ZFYVE9: variants seen among roughly 807,000 people sequenced by gnomAD.
ZFYVE9 encodes the protein zinc finger FYVE domain-containing protein 9.
ZFYVE9 carries 43 observed loss-of-function variants against 126.7 expected under a neutral mutation model. The ratio of observed to expected loss-of-function variants is 0.34; its 90% CI spans 0.27 to 0.44. The LOEUF (loss-of-function observed/expected upper bound fraction) is 0.44, where lower values mean the gene tolerates loss of function less well. Among genes scored for constraint, ZFYVE9 ranks in the 20% least tolerant of loss-of-function variants. ZFYVE9 has a pLI of 1.00. For missense variants in ZFYVE9, 1,476 were observed against 1,697.0 expected (o/e 0.87, Z 2.29); for synonymous variants, 521 against 597.4 (o/e 0.87, Z 1.87).
At chr1:52,180,408 G>A in intron 1 of ZFYVE9, 1 of 1,495,614 alleles carries the variant, frequency 6.7e-7, no homozygotes. Flanking sequence ...CCTGACAAGA[G>A]ATGAGTTGCA....
At chr1:52,340,075 G>A (rs371448546) in intron 16 of ZFYVE9, 51 bp from the exon 17 acceptor site, 8 of 1,486,932 alleles carry the variant, frequency 5.4e-6, no homozygotes, top group Non-Finnish European at 7.5e-6. Flanking sequence ...AGGAAAAATG[G>A]CTTTTCTAAC....
At chr1:52,148,405 T>A (rs1223287451) in intron 1 of ZFYVE9, among the ~76,000 whole-genome samples, 1 of 151,772 alleles carries the variant, frequency 6.6e-6, no homozygotes, top group Non-Finnish European at 1.5e-5. Context: ...GGAGAATTGC[T>A]TGAACCAGGG....
At chr1:52,269,904 C>T (rs995009124) in intron 7 of ZFYVE9, among the ~76,000 whole-genome samples, 7 of 152,058 alleles carry the variant, frequency 4.6e-5, no homozygotes, top group African/African-American at 1.7e-4. Context: ...CCTTCTGCCA[C>T]AGCCTCCCAA....
At chr1:52,156,883 A>G (rs1644407679) in intron 1 of ZFYVE9, among the ~76,000 whole-genome samples, 1 of 148,008 alleles carries the variant, frequency 6.8e-6, no homozygotes, top group Non-Finnish European at 1.5e-5. Context: ...CCCAGGCTGG[A>G]GTGCAGTGGC....
intron 13 of ZFYVE9, among the ~76,000 whole-genome samples, chr1:52,315,945 C>T (rs1486223556): frequency 6.6e-6 from 1 of 151,992 alleles, no homozygotes; most frequent in Non-Finnish European, 1.5e-5. Context: ...GCAGGCAGAT[C>T]ACTTGAGGTC....
chr1:52,180,268 A>G (rs758994687), intron 1 of ZFYVE9: 7 of 1,601,024 alleles, frequency 4.4e-6, no homozygotes, highest in African/African-American at 2.7e-5. Context: ...CCTGATGTCA[A>G]ATTTATCAAA....
intron 1 of ZFYVE9, among the ~76,000 whole-genome samples, chr1:52,200,940 C>T (rs1644917462): frequency 6.6e-6 from 1 of 152,162 alleles, no homozygotes; most frequent in South Asian, 2.1e-4. Flanking sequence ...CTTTGTTCTT[C>T]TCTGTCAATA....
At chr1:52,176,887 C>T (rs1644637254) in intron 1 of ZFYVE9, among the ~76,000 whole-genome samples, 1 of 152,146 alleles carries the variant, frequency 6.6e-6, no homozygotes, top group Non-Finnish European at 1.5e-5. Flanking sequence ...TTTCCAGGTG[C>T]CGTCTGTCAC....
Position 52,142,613 on chromosome 1 carries a change from C to T in ZFYVE9, c.-143+210C>T, listed in dbSNP as rs950194554. Among the ~76,000 whole-genome samples, 3 of 152,272 alleles carry T rather than the reference C, an allele frequency of 2.0e-5. No individual in the cohort carries two copies. Among genetic ancestry groups the T allele is most frequent in the Admixed American group, 6.5e-5 (1 of 15,310 alleles). ...GATTAGGCCCCGCGCCGTTGGGAAG[C>T]CCTCGCTCCGGCCTCGGTTCCGGCG... On this transcript the variant is annotated intron_variant, in intron 1 of 18. Transcript: ENST00000287727. This position sits in a 1 kb window ranked among gnomAD's most constrained non-coding sequence, Gnocchi z 4.5.
chr1:52,186,864 G>A lies in ZFYVE9; in HGVS notation c.-142-29505G>A, dbSNP rs1039150957. Among the ~76,000 whole-genome samples, 4 of 152,058 alleles carry A rather than the reference G, an allele frequency of 2.6e-5. No individual in the cohort carries two copies. In the South Asian group the frequency reaches 8.3e-4, roughly 32 times the overall value. On this transcript the variant is annotated intron_variant, in intron 1 of 18. Coordinates refer to ENST00000287727, the MANE Select transcript of ZFYVE9 (RefSeq NM_004799.4). ...AACATTCCATGATTATGGATAGGAA[G>A]AATCAATATCATTAAAATGGCCATA...
chr1:52,238,818 C>T lies in ZFYVE9; in HGVS notation c.1401C>T (p.Asp467=). Reference sequence around the variant, plus strand: ...AATGTGATTTCTCCACTGTTATAGACACACCAGCAGCAAATTATCTATCTA... The same window carrying T: ...AATGTGATTTCTCCACTGTTATAGATACACCAGCAGCAAATTATCTATCTA... ...SEECDFSTVI[D]TPAANYLSNG... is the part of the protein sequence containing the mutation. Residue 467 remains aspartate (D), a synonymous_variant, in exon 4 of 19, where the codon GAC becomes GAT. Coordinates refer to ENST00000287727, the MANE Select transcript of ZFYVE9 (RefSeq NM_004799.4). The T allele has an allele frequency of 2.5e-6, 4 of 1,614,100 alleles. No individual in the cohort carries two copies. The highest frequency in any genetic ancestry group is 3.4e-6 in the Non-Finnish European group (4 of 1,179,976).
At chr1:52,280,261 T>TC (rs1645788953) in intron 9 of ZFYVE9, among the ~76,000 whole-genome samples, 1 of 150,724 alleles carries the variant, frequency 6.6e-6, no homozygotes, top group Non-Finnish European at 1.5e-5. Context: ...GCTCCTGTAG[T>TC]CCCAGCTACT....
chr1:52,272,198 T>C (rs1482591750), intron 7 of ZFYVE9, among the ~76,000 whole-genome samples: 1 of 152,226 alleles, frequency 6.6e-6, no homozygotes, highest in Non-Finnish European at 1.5e-5. Flanking sequence ...GCAAAATGCA[T>C]GACTAAGGAG....
intron 1 of ZFYVE9, among the ~76,000 whole-genome samples, chr1:52,180,739 C>G (rs551158): frequency 0.97 from 147,325 of 152,300 alleles, 71,274 homozygotes; most frequent in East Asian, 1. Context: ...GCTTTGGGAG[C>G]CTGAGGCAGG....
chr1:52,258,688 A>C (rs901004139), intron 4 of ZFYVE9, among the ~76,000 whole-genome samples: 1 of 152,210 alleles, frequency 6.6e-6, no homozygotes, highest in African/African-American at 2.4e-5. Flanking sequence ...CCTCTGTGAT[A>C]CTAATTCTTA....
intron 1 of ZFYVE9, among the ~76,000 whole-genome samples, chr1:52,156,219 A>T (rs1488311607): frequency 6.6e-6 from 1 of 152,224 alleles, no homozygotes; most frequent in Non-Finnish European, 1.5e-5. Flanking sequence ...TTTGCCATAT[A>T]AATGGCTGCA....
At chr1:52,245,453 C>G (rs1289805073) in intron 4 of ZFYVE9, among the ~76,000 whole-genome samples, 2 of 152,048 alleles carry the variant, frequency 1.3e-5, no homozygotes, top group Non-Finnish European at 2.9e-5. Context: ...GAGTGTTTAC[C>G]ATGTGCCAGG....
At chr1:52,157,685 A>G (rs914932761) in intron 1 of ZFYVE9, among the ~76,000 whole-genome samples, 2 of 151,950 alleles carry the variant, frequency 1.3e-5, no homozygotes, top group African/African-American at 2.4e-5. Flanking sequence ...GGATTACAGG[A>G]ATGAGCCACA....
In ZFYVE9 at chr1:52,268,609, A is replaced by G. The variant is rs146955637; in HGVS notation, c.2602A>G (p.Thr868Ala). ...GTCACACGACCCAGTCAAGCCAGTA[A>G]CTACCAGTCCTCTACCAGCAGAGGT... ...AVSHDPVKPV[T>A]TSPLPAETDI... Residue 868 changes from threonine (T) to alanine (A), a missense_variant, in exon 7 of 19, where the codon ACT becomes GCT. Physicochemically the swap from Thr to Ala is moderately conservative, Grantham distance 58. Around this residue, in one of 2 missense-constraint regions of ZFYVE9, gnomAD observed 669 missense variants for 902.4 expected, o/e 0.74. Transcript: ENST00000287727. 6.8e-6 allele frequency: 11 copies of G among 1,614,070 alleles called. No individual in the cohort carries two copies. Among genetic ancestry groups the G allele is most frequent in the Non-Finnish European group, 8.5e-6 (10 of 1,180,030 alleles).
Sources: gnomAD v4.1 joint callset for allele counts (sites outside exome capture counted in the v4.1 genomes callset) on GRCh38, gnomAD v4.1.1 for gene constraint, gnomAD v4.1.1 regional missense constraint, Gnocchi (gnomAD v3.1) non-coding constraint, MANE v1.5 for transcripts, NCBI Gene and HGNC (gene_info 2026-07-23, HGNC 2026-07-21) for gene names.